MYT1L: variants seen among roughly 807,000 people sequenced by gnomAD.
MYT1L encodes the protein myelin transcription factor 1-like protein.
A neutral mutation model predicts 126.7 loss-of-function variants in MYT1L; 12 were observed. The ratio of observed to expected loss-of-function variants is 0.09; its 90% confidence interval spans 0.06 to 0.15. The LOEUF is 0.15. MYT1L is among the 10% of genes least tolerant of loss of function. The pLI is 1.00. For missense variants in MYT1L, 979 were observed against 1,585.2 expected (o/e 0.62, Z 6.49); for synonymous variants, 541 against 604.2 (o/e 0.90, Z 1.53).
At chr2:2,079,811 C>CAAAA (rs1021232397) in intron 3 of MYT1L, among the ~76,000 whole-genome samples, 1 of 98,828 alleles carries the variant, frequency 1.0e-5, no homozygotes. Context: ...GACTCCGTCT[C>CAAAA]AAAAAAAAAA....
chr2:1,917,413 A>T lies in MYT1L; in HGVS notation c.1484-74T>A. On this transcript the variant is annotated intron_variant, in intron 10 of 24. Coordinates refer to ENST00000647738, the MANE Select transcript of MYT1L (RefSeq NM_001303052.2). The surrounding 1 kb of genome is among the most constrained non-coding windows in gnomAD (Gnocchi z 5.9). ...ACAAATGTGATTATTTCACAATCTG[A>T]AGAAACCTTGCTAAAGAAAGAAATA... 6.6e-7 allele frequency: 1 copy of T among 1,504,936 alleles called. No homozygotes were observed. Among genetic ancestry groups the T allele is most frequent in the Admixed American group, 2.0e-5 (1 of 49,666 alleles). 93.2% of individuals were successfully genotyped at this position (1,504,936 alleles called of 1,614,324 possible).
intron 2 of MYT1L, among the ~76,000 whole-genome samples, chr2:2,226,754 G>A (rs1350803682): frequency 2.0e-5 from 3 of 152,044 alleles, no homozygotes; most frequent in Non-Finnish European, 4.4e-5. Context: ...CCTCAGCTGC[G>A]GTGCCTCCTC....
At chr2:2,189,278 C>T (rs2092423236) in intron 2 of MYT1L, among the ~76,000 whole-genome samples, 1 of 152,198 alleles carries the variant, frequency 6.6e-6, no homozygotes, top group African/African-American at 2.4e-5. Flanking sequence ...TGGAGCAGTT[C>T]CCAAAATGGG....
intron 1 of MYT1L, among the ~76,000 whole-genome samples, chr2:2,313,816 C>A (rs550857397): frequency 5.9e-5 from 9 of 152,110 alleles, no homozygotes; most frequent in Non-Finnish European, 1.2e-4. Flanking sequence ...AAATCCAAAG[C>A]CATGTTGAAA....
intron 2 of MYT1L, among the ~76,000 whole-genome samples, chr2:2,266,956 C>G (rs115938797): frequency 6.6e-6 from 1 of 152,180 alleles, no homozygotes; most frequent in Non-Finnish European, 1.5e-5. Flanking sequence ...CAGTCTCGAG[C>G]GTCTTCGTTA....
chr2:1,968,515 C>G (rs2059560350), intron 8 of MYT1L, among the ~76,000 whole-genome samples: 1 of 152,158 alleles, frequency 6.6e-6, no homozygotes, highest in Admixed American at 6.5e-5. Context: ...TATTCACGGC[C>G]CTGCAGAGTG....
intron 9 of MYT1L, among the ~76,000 whole-genome samples, chr2:1,933,400 A>G (rs146829162): frequency 6.6e-6 from 1 of 152,322 alleles, no homozygotes; most frequent in East Asian, 1.9e-4. Flanking sequence ...TGGGCCAGAA[A>G]AAAACGCAGA....
chr2:2,126,539 C>A (rs1194939615), intron 3 of MYT1L, among the ~76,000 whole-genome samples: 1 of 152,054 alleles, frequency 6.6e-6, no homozygotes, highest in Non-Finnish European at 1.5e-5. Flanking sequence ...TAGGGATTGG[C>A]GAGCCTGAGG....
At chr2:2,067,450 T>C (rs1018806123) in intron 3 of MYT1L, among the ~76,000 whole-genome samples, 10 of 152,168 alleles carry the variant, frequency 6.6e-5, no homozygotes, top group Admixed American at 3.3e-4. Flanking sequence ...TATCAAAAAC[T>C]AAGCCTTAAG....
chr2:2,032,555 A>G (rs1417707312), intron 4 of MYT1L, among the ~76,000 whole-genome samples: 2 of 143,316 alleles, frequency 1.4e-5, no homozygotes, highest in African/African-American at 5.3e-5. Context: ...ATCCCTCCCC[A>G]GTGCCTCTCA....
intron 1 of MYT1L, among the ~76,000 whole-genome samples, chr2:2,296,667 C>A (rs576604702): frequency 8.6e-5 from 13 of 152,038 alleles, no homozygotes; most frequent in Non-Finnish European, 1.9e-4. Context: ...ACCTCAGGCC[C>A]GGTGGGGACA....
At chr2:2,084,598 A>T (rs2076175077) in intron 3 of MYT1L, among the ~76,000 whole-genome samples, 1 of 152,180 alleles carries the variant, frequency 6.6e-6, no homozygotes, top group African/African-American at 2.4e-5. Flanking sequence ...CAGTCGCTGC[A>T]GAAACCAGGA....
intron 3 of MYT1L, among the ~76,000 whole-genome samples, chr2:2,081,060 G>A (rs1422344802): frequency 6.6e-6 from 1 of 152,204 alleles, no homozygotes; most frequent in Non-Finnish European, 1.5e-5. Context: ...TTGGAGTGTT[G>A]AAGAGGTTCT....
intron 1 of MYT1L, among the ~76,000 whole-genome samples, chr2:2,301,094 A>G (rs2095776135): frequency 6.6e-6 from 1 of 152,056 alleles, no homozygotes; most frequent in Non-Finnish European, 1.5e-5. Context: ...GACAACATGG[A>G]AGCCTACGTT....
Position 1,979,279 on chromosome 2 carries a change from G to C in MYT1L, c.90-52C>G. On this transcript the variant is annotated intron_variant, in intron 7 of 24. Transcript: ENST00000647738. This position sits in a 1 kb window ranked among gnomAD's most constrained non-coding sequence, Gnocchi z 4.0. ...GGTGCCGCAGGCAGGCAGGTGAGAC[G>C]GAAAGCTTCCGTGGCAGCAGAGAGA... 6.5e-7 allele frequency: 1 copy of C among 1,529,402 alleles called. No homozygotes were observed. Among genetic ancestry groups the C allele is most frequent in the Non-Finnish European group, 9.0e-7 (1 of 1,106,672 alleles). The allele number at this position is 1,529,402 out of a possible 1,614,324, so 94.7% of individuals were successfully genotyped here.
chr2:1,820,034 G>C (rs951898597), intron 21 of MYT1L, among the ~76,000 whole-genome samples: 2 of 152,066 alleles, frequency 1.3e-5, no homozygotes, highest in Admixed American at 6.5e-5. Flanking sequence ...AGGGCAGTGG[G>C]GGGGGGCCAG....
intron 3 of MYT1L, among the ~76,000 whole-genome samples, chr2:2,071,304 G>C (rs2074567439): frequency 6.6e-6 from 1 of 152,108 alleles, no homozygotes; most frequent in Non-Finnish European, 1.5e-5. Flanking sequence ...AATGAGATTA[G>C]GATAATGTTT....
rs532551935 is a variant in MYT1L, at chr2:2,071,723, T to A, written c.-303-17600A>T. On this transcript the variant is annotated intron_variant, in intron 3 of 24. Transcript: ENST00000647738. ...TTAAAGTATGGAAGGATAGGTGATA[T>A]AATTTGCATTTTTTGAAAATCACTT... is the stretch of plus-strand genomic sequence containing the variant. Among the ~76,000 whole-genome samples the A allele has an allele frequency of 5.6e-4, 85 of 152,328 alleles. 1 individual carries two copies. In the South Asian group the frequency reaches 0.018, roughly 32 times the overall value.
intron 13 of MYT1L, among the ~76,000 whole-genome samples, chr2:1,907,789 G>C (rs2148994983): frequency 6.6e-6 from 1 of 152,346 alleles, no homozygotes; most frequent in East Asian, 1.9e-4. Flanking sequence ...TCCACTGAAA[G>C]AGCACCCCTA....
Sources: gnomAD v4.1 joint callset for allele counts (sites outside exome capture counted in the v4.1 genomes callset) on GRCh38, gnomAD v4.1.1 for gene constraint, Gnocchi (gnomAD v3.1) non-coding constraint, MANE v1.5 for transcripts, NCBI Gene and HGNC (gene_info 2026-07-23, HGNC 2026-07-21) for gene names.